Variants in DCDC1 observed in about 807,000 individuals in gnomAD.
The protein encoded by DCDC1 is doublecortin domain containing 1.
A neutral mutation model predicts 178.3 loss-of-function variants in DCDC1; 200 were observed. The ratio of observed to expected loss-of-function variants is 1.12; its 90% CI spans 1.00 to 1.26. The LOEUF (loss-of-function observed/expected upper bound fraction) is 1.26, where lower values mean the gene tolerates loss of function less well. Among genes scored for constraint, DCDC1 ranks in the 50% most tolerant of loss-of-function variants. DCDC1 has a pLI of 0.00. For missense variants in DCDC1, 1,983 were observed against 1,749.2 expected, an observed-to-expected ratio of 1.13 and a Z score of -2.38; for synonymous variants, 690 against 604.8, an observed-to-expected ratio of 1.14 and a Z score of -2.07.
intron 9 of DCDC1, among the ~76,000 whole-genome samples, chr11:31,195,049 T>C (rs1006005227): frequency 6.6e-6 from 1 of 152,084 alleles, no homozygotes; most frequent in Non-Finnish European, 1.5e-5. Flanking sequence ...CACTTTGGAC[T>C]GTCCAGGGCT....
intron 20 of DCDC1, among the ~76,000 whole-genome samples, chr11:31,031,012 T>C (rs1953590372): frequency 6.6e-6 from 1 of 152,144 alleles, no homozygotes; most frequent in Admixed American, 6.6e-5. Context: ...TGAGTGAAGG[T>C]TATGTACCTT....
chr11:31,059,991 C>G, intron 20 of DCDC1, among the ~76,000 whole-genome samples: 1 of 151,936 alleles, frequency 6.6e-6, no homozygotes, highest in East Asian at 1.9e-4. Context: ...GAGACTATAA[C>G]AGTTCCTTTA....
chr11:30,989,210 AG>A (rs1950836489), intron 20 of DCDC1, among the ~76,000 whole-genome samples: 1 of 152,226 alleles, frequency 6.6e-6, no homozygotes, highest in African/African-American at 2.4e-5. Context: ...TTTCACAAGT[AG>A]GAAGTAGTTA....
chr11:31,124,944 T>C (rs998297488), intron 11 of DCDC1, among the ~76,000 whole-genome samples: 4 of 152,016 alleles, frequency 2.6e-5, no homozygotes, highest in Admixed American at 6.6e-5. Context: ...CTAATTAAAC[T>C]AAAGAGCTTC....
chr11:31,304,358 T>C (rs746378045), intron 6 of DCDC1, among the ~76,000 whole-genome samples: 3 of 152,140 alleles, frequency 2.0e-5, no homozygotes, highest in Non-Finnish European at 4.4e-5. Flanking sequence ...CAGAAAAGTA[T>C]TTGCCCACTA....
At chr11:31,040,574 A>G (rs1415131015) in intron 20 of DCDC1, among the ~76,000 whole-genome samples, 1 of 152,198 alleles carries the variant, frequency 6.6e-6, no homozygotes, top group Non-Finnish European at 1.5e-5. Flanking sequence ...TCTAACTGAT[A>G]GCCATAAAAG....
At chr11:31,300,252 G>A (rs76247267) in intron 6 of DCDC1, among the ~76,000 whole-genome samples, 2,794 of 152,254 alleles carry the variant, frequency 0.018, 85 homozygotes, top group African/African-American at 0.064. Context: ...TTGCTTTCCT[G>A]GCAGTGATGA....
chr11:31,127,729 G>A (rs1961848515), intron 10 of DCDC1, 90 bp from the exon 11 acceptor site: 4 of 637,550 alleles, frequency 6.3e-6, no homozygotes, highest in Non-Finnish European at 1.1e-5. Context: ...TTGATGGGGG[G>A]AAAATGACTT....
intron 7 of DCDC1, among the ~76,000 whole-genome samples, chr11:31,268,900 T>C (rs1038519465): frequency 1.5e-4 from 23 of 152,196 alleles, no homozygotes; most frequent in African/African-American, 5.3e-4. Context: ...GACTTTTTCA[T>C]AATAGACATT....
intron 11 of DCDC1, among the ~76,000 whole-genome samples, chr11:31,123,312 G>T (rs1961082672): frequency 6.6e-6 from 1 of 152,030 alleles, no homozygotes; most frequent in Admixed American, 6.6e-5. Context: ...AACACAATAG[G>T]TCTAAATAAC....
chr11:30,871,127 C>T (rs1181118512), intron 38 of DCDC1, among the ~76,000 whole-genome samples: 1 of 152,100 alleles, frequency 6.6e-6, no homozygotes, highest in Non-Finnish European at 1.5e-5. Context: ...GGTACAGTGA[C>T]CCTGAAGCCA....
At chr11:31,354,804 G>C (rs1276947474) in intron 1 of DCDC1, among the ~76,000 whole-genome samples, 1 of 152,120 alleles carries the variant, frequency 6.6e-6, no homozygotes, top group Non-Finnish European at 1.5e-5. Context: ...TCAGAATAAA[G>C]TCAGTCTTTT....
At chr11:31,337,633 C>T (rs1950337440) in intron 1 of DCDC1, among the ~76,000 whole-genome samples, 1 of 150,324 alleles carries the variant, frequency 6.7e-6, no homozygotes, top group South Asian at 2.1e-4. Context: ...CCCCTGCACT[C>T]CTGCCTGGGT....
chr11:31,101,776 G>GT (rs992442176), intron 15 of DCDC1, among the ~76,000 whole-genome samples: 3 of 73,380 alleles, frequency 4.1e-5, no homozygotes, highest in East Asian at 2.4e-3. Context: ...ATAATTTATA[G>GT]TTTAAAAAAA....
intron 1 of DCDC1, among the ~76,000 whole-genome samples, chr11:31,345,691 G>A (rs1369826475): frequency 1.3e-5 from 2 of 152,098 alleles, no homozygotes; most frequent in Non-Finnish European, 2.9e-5. Flanking sequence ...TTCGTCTTTG[G>A]AGATTGCTGG....
chr11:30,951,265 A>G (rs1309707110), intron 21 of DCDC1, among the ~76,000 whole-genome samples: 1 of 152,286 alleles, frequency 6.6e-6, no homozygotes, highest in Admixed American at 6.5e-5. Flanking sequence ...AGATACCTAC[A>G]TGGGAATACA....
Position 31,345,656 on chromosome 11 carries a change from A to G in DCDC1, c.-124-10092T>C, listed in dbSNP as rs1034445667. Among the ~76,000 whole-genome samples, 7 of 152,308 alleles carry G rather than the reference A, an allele frequency of 4.6e-5. 1 individual carries two copies. The South Asian group carries it at 6.2e-4, about 14-fold the overall frequency. ...ATGAGTATCTAATAATACTAAAATT[A>G]AGATTTATACTTCAATTCTCATCAT... is the stretch of plus-strand genomic sequence containing the variant. On this transcript the variant is annotated intron_variant, in intron 1 of 38. Coordinates refer to ENST00000684477, the MANE Select transcript of DCDC1 (RefSeq NM_001387274.1).
chr11:31,029,302 GA>G (rs1048458962), intron 20 of DCDC1, among the ~76,000 whole-genome samples: 22 of 151,244 alleles, frequency 1.5e-4, no homozygotes, highest in African/African-American at 1.7e-4. Context: ...ACCAGGAGTG[GA>G]AAAAAAATAC....
chr11:30,905,242 A>C, intron 30 of DCDC1, 78 bp from the exon 31 acceptor site: 9 of 1,394,866 alleles, frequency 6.5e-6, no homozygotes, highest in Non-Finnish European at 8.8e-6. Context: ...CTCTTAATAA[A>C]TGTGTGTATA....
Sources: gnomAD v4.1 joint callset for allele counts (sites outside exome capture counted in the v4.1 genomes callset) on GRCh38, gnomAD v4.1.1 for gene constraint, MANE v1.5 for transcripts, NCBI Gene and HGNC (gene_info 2026-07-23, HGNC 2026-07-21) for gene names.